CCBE1: variants seen among roughly 807,000 people sequenced by gnomAD.
The protein encoded by CCBE1 is collagen and calcium-binding EGF domain-containing protein 1.
A neutral mutation model predicts 50.0 loss-of-function variants in CCBE1; 37 were observed. The ratio of observed to expected loss-of-function variants is 0.74; its 90% CI spans 0.57 to 0.97. The LOEUF is 0.97. Ranked by LOEUF, CCBE1 falls within the 50% of genes least tolerant of loss-of-function variation. The pLI, the probability that CCBE1 is intolerant of heterozygous loss-of-function variation, is 0.00. For missense variants in CCBE1, 538 were observed against 523.8 expected (o/e 1.03, Z -0.26); for synonymous variants, 234 against 203.7 (o/e 1.15, Z -1.27).
intron 2 of CCBE1, among the ~76,000 whole-genome samples, chr18:59,687,016 G>A (rs2054663737): frequency 1.3e-5 from 2 of 152,312 alleles, no homozygotes; most frequent in East Asian, 3.9e-4. Flanking sequence ...GGTTCAACAA[G>A]TCTGTGGTCT....
chr18:59,599,321 T>A (rs768565604), intron 2 of CCBE1, among the ~76,000 whole-genome samples: 1 of 152,212 alleles, frequency 6.6e-6, no homozygotes, highest in Non-Finnish European at 1.5e-5. Context: ...TATTTAGAAC[T>A]AATTTTAAAA....
At chr18:59,668,969 G>T (rs1336739232) in intron 2 of CCBE1, among the ~76,000 whole-genome samples, 1 of 151,564 alleles carries the variant, frequency 6.6e-6, no homozygotes, top group African/African-American at 2.4e-5. Context: ...GGATTACTGG[G>T]ATTACAGACA....
chr18:59,665,747 A>G (rs2054345995), intron 2 of CCBE1, among the ~76,000 whole-genome samples: 1 of 152,164 alleles, frequency 6.6e-6, no homozygotes, highest in African/African-American at 2.4e-5. Context: ...CTTCCTGGGT[A>G]AGCATTTCCC....
intron 7 of CCBE1, among the ~76,000 whole-genome samples, chr18:59,441,104 G>T (rs1016732803): frequency 6.6e-6 from 1 of 152,224 alleles, no homozygotes; most frequent in Non-Finnish European, 1.5e-5. Context: ...TCCCATGGCA[G>T]TGGCCTGACA....
intron 2 of CCBE1, among the ~76,000 whole-genome samples, chr18:59,585,160 T>C (rs748729485): frequency 3.3e-5 from 5 of 151,816 alleles, no homozygotes; most frequent in Non-Finnish European, 5.9e-5. Flanking sequence ...GTTCCCTCAA[T>C]ATGGAATAGC....
chr18:59,444,498 T>C (rs1910584823), intron 7 of CCBE1, among the ~76,000 whole-genome samples: 1 of 151,834 alleles, frequency 6.6e-6, no homozygotes. Context: ...TTTTTCCATA[T>C]CCTTGTCAAT....
chr18:59,503,926 T>C (rs906885513), intron 2 of CCBE1, among the ~76,000 whole-genome samples: 1 of 152,240 alleles, frequency 6.6e-6, no homozygotes, highest in Non-Finnish European at 1.5e-5. Context: ...AAGACATTGC[T>C]GTCTCCTCCT....
chr18:59,682,085 C>T (rs985095877), intron 2 of CCBE1, among the ~76,000 whole-genome samples: 17 of 152,126 alleles, frequency 1.1e-4, no homozygotes, highest in African/African-American at 3.4e-4. Context: ...TCTCCCAGAC[C>T]GGGCGCGTTG....
At chr18:59,515,164 T>C (rs577261092) in intron 2 of CCBE1, among the ~76,000 whole-genome samples, 266 of 151,980 alleles carry the variant, frequency 1.8e-3, no homozygotes, top group Non-Finnish European at 3.2e-3. Context: ...AGGCCCAGAG[T>C]AGAAAATGTA....
intron 5 of CCBE1, among the ~76,000 whole-genome samples, chr18:59,461,656 A>G (rs1176465848): frequency 6.7e-6 from 1 of 149,152 alleles, no homozygotes; most frequent in Admixed American, 6.7e-5. Flanking sequence ...TTTTAAGACT[A>G]TTTGCAATTG....
At chr18:59,450,665 A>T (rs1486653700) in intron 6 of CCBE1, among the ~76,000 whole-genome samples, 2 of 152,154 alleles carry the variant, frequency 1.3e-5, no homozygotes, top group Non-Finnish European at 2.9e-5. Context: ...TCCCGAGTAG[A>T]TGGAGATTAC....
intron 3 of CCBE1, among the ~76,000 whole-genome samples, chr18:59,479,028 A>C (rs12608303): frequency 0.081 from 12,289 of 152,284 alleles, 940 homozygotes; most frequent in East Asian, 0.33. Flanking sequence ...AAACAGCGAT[A>C]AATGGGAGGG....
At chr18:59,589,886 GA>G (rs33959733) in intron 2 of CCBE1, among the ~76,000 whole-genome samples, 4,191 of 151,410 alleles carry the variant, frequency 0.028, 193 homozygotes, top group African/African-American at 0.097. Context: ...TCAACAGTAG[GA>G]AACGTATCAA....
intron 2 of CCBE1, among the ~76,000 whole-genome samples, chr18:59,583,861 A>G (rs2053132937): frequency 6.6e-6 from 1 of 152,100 alleles, no homozygotes; most frequent in South Asian, 2.1e-4. Flanking sequence ...TTGAAATGTA[A>G]TCCTCTGTGG....
chr18:59,612,293 TAA>T lies in CCBE1; in HGVS notation c.212+84334_212+84335del, dbSNP rs5825349. 5.3e-3 allele frequency among the ~76,000 whole-genome samples: 536 copies of T among 100,842 alleles called. 10 individuals carry two copies. Among genetic ancestry groups the T allele is most frequent in the East Asian group, 0.045 (191 of 4,222 alleles). The allele number at this position is 100,842 out of a possible 152,430, so 66.2% of individuals were successfully genotyped here. ...ATGTACCCTAAAACTTAAAGTATAA[TAA>T]AAAAAAAAAAGAAAAAAAAAGGGAA... On this transcript the variant is annotated intron_variant, in intron 2 of 10. Transcript: ENST00000439986.
chr18:59,632,797 C>T (rs571814507), intron 2 of CCBE1, among the ~76,000 whole-genome samples: 27 of 147,712 alleles, frequency 1.8e-4, no homozygotes, highest in African/African-American at 5.8e-4. Context: ...TTAATAGAGA[C>T]GGGGTTTCAC....
At chr18:59,680,716 C>G (rs1440749155) in intron 2 of CCBE1, among the ~76,000 whole-genome samples, 2 of 150,596 alleles carry the variant, frequency 1.3e-5, no homozygotes, top group African/African-American at 4.9e-5. Context: ...AAAGAAAAAA[C>G]AAAACAAAAC....
chr18:59,668,275 G>A (rs775905472), intron 2 of CCBE1, among the ~76,000 whole-genome samples: 1 of 152,038 alleles, frequency 6.6e-6, no homozygotes, highest in African/African-American at 2.4e-5. Context: ...AAAATTAGCC[G>A]GGCATAGTGG....
chr18:59,455,750 CTGCCAAGGTCTGTGCCAA>C (rs1207887468), intron 5 of CCBE1, among the ~76,000 whole-genome samples: 1 of 152,228 alleles, frequency 6.6e-6, no homozygotes, highest in East Asian at 1.9e-4. Flanking sequence ...CTTGCACAGA[CTGCCAAGGTCTGTGCCAA>C]AGGTGGCAGC....
Sources: gnomAD v4.1 joint callset for allele counts (sites outside exome capture counted in the v4.1 genomes callset) on GRCh38, gnomAD v4.1.1 for gene constraint, MANE v1.5 for transcripts, NCBI Gene and HGNC (gene_info 2026-07-23, HGNC 2026-07-21) for gene names.